The following ZNF775 variants were observed in gnomAD, a reference collection of about 807,000 sequenced individuals.
ZNF775 encodes the protein zinc finger protein 775.
ZNF775 carries 1 observed loss-of-function variant against 2.4 expected under a neutral mutation model. The observed-to-expected ratio is 0.41, with a 90% CI of 0.15 to 1.94. The LOEUF (loss-of-function observed/expected upper bound fraction) is 1.94. Among genes scored for constraint, ZNF775 ranks in the 30% most tolerant of loss-of-function variants. The pLI is 0.30. For synonymous variants in ZNF775, 381 were observed against 373.3 expected (o/e 1.02, Z -0.24); for missense variants, 823 against 826.6 (o/e 1.00, Z 0.05).
chr7:150,397,484 C>CGCCCGCACCCCT lies in ZNF775; in HGVS notation c.1012_1023dup (p.Pro338_His341dup). 1 of 1,587,596 alleles carries CGCCCGCACCCCT rather than the reference C, an allele frequency of 6.3e-7. No individual in the cohort carries two copies. The highest frequency in any genetic ancestry group is 1.1e-5 in the South Asian group (1 of 90,284). ...GCACCTGCGCAACCACACAGGCGAG[C>CGCCCGCACCCCT]GCCCGCACCCCTGCCCGCACTGTGG... On this transcript the variant is annotated inframe_insertion, in exon 3 of 3. Coordinates refer to ENST00000329630, the MANE Select transcript of ZNF775 (RefSeq NM_173680.4).
At chr7:150,383,549 A>G (rs745782898) in intron 1 of ZNF775, among the ~76,000 whole-genome samples, 21 of 152,168 alleles carry the variant, frequency 1.4e-4, no homozygotes, top group African/African-American at 4.6e-4. Context: ...GGATGAGGCT[A>G]TAGAAAGGGG....
chr7:150,397,646 G>T lies in ZNF775; in HGVS notation c.1165G>T (p.Ala389Ser). The T allele has an allele frequency of 7.5e-7, 1 of 1,324,506 alleles. No homozygotes were observed. The highest frequency in any genetic ancestry group is 9.6e-7 in the Non-Finnish European group (1 of 1,042,346). The allele number at this position is 1,324,506 out of a possible 1,614,324, so 82.0% of individuals were successfully genotyped here. A position where few individuals can be genotyped will look rare whatever the true frequency, so the allele number is the denominator to read the frequency against. ...GCTGCGCGCCCACCAGCGCGCCCAC[G>T]CTGTCGCTGAGCCCGCCGTTCCGGC... ...AALRAHQRAH[A>S]VAEPAVPAGE... Residue 389 changes from alanine to serine, a missense_variant, in exon 3 of 3, where the codon GCT (alanine) becomes TCT (serine). Transcript: ENST00000329630.
intron 1 of ZNF775, among the ~76,000 whole-genome samples, chr7:150,380,389 C>G (rs1800340510): frequency 1.3e-5 from 2 of 152,196 alleles, no homozygotes. Flanking sequence ...TGCATGTAGT[C>G]TTGTGCAGAC....
intron 1 of ZNF775, among the ~76,000 whole-genome samples, chr7:150,385,176 C>T (rs947292078): frequency 1.4e-4 from 21 of 152,284 alleles, no homozygotes; most frequent in African/African-American, 4.8e-4. Flanking sequence ...GGGCTCCTCC[C>T]GCCCCCTTCC....
Position 150,398,526 on chromosome 7 carries a change from C to T in ZNF775, c.*431C>T, listed in dbSNP as rs73474391. 2,063 of 180,644 alleles carry T rather than the reference C, an allele frequency of 0.011. 47 individuals carry two copies. The highest frequency in any genetic ancestry group is 0.047 in the African/African-American group (1,992 of 42,432). The allele number at this position is 180,644 out of a possible 1,614,324, so 11.2% of individuals were successfully genotyped here. On this transcript the variant is annotated 3_prime_UTR_variant, in exon 3 of 3. Transcript: ENST00000329630. ...GAGAGTTGCCAAGACTCGGCGATAC[C>T]AAGGATGGAAGCCAGAGGCTGTGGC...
intron 2 of ZNF775, among the ~76,000 whole-genome samples, chr7:150,391,726 T>TTTTTTC: frequency 6.8e-6 from 1 of 148,098 alleles, no homozygotes. Context: ...TTTTTTTTTT[T>TTTTTTC]TGAGATAGAG....
intron 1 of ZNF775, among the ~76,000 whole-genome samples, chr7:150,387,830 A>G (rs1257529193): frequency 2.0e-5 from 3 of 151,820 alleles, no homozygotes; most frequent in Non-Finnish European, 4.4e-5. Flanking sequence ...GATGAATCCT[A>G]CATCAGTGAA....
At chr7:150,389,820 T>C (rs1402035352) in intron 2 of ZNF775, among the ~76,000 whole-genome samples, 1 of 152,040 alleles carries the variant, frequency 6.6e-6, no homozygotes, top group Non-Finnish European at 1.5e-5. Flanking sequence ...TTTCAGACAA[T>C]TGACAGCTTA....
intron 1 of ZNF775, among the ~76,000 whole-genome samples, chr7:150,388,053 C>T (rs1210263937): frequency 6.6e-6 from 1 of 152,038 alleles, no homozygotes; most frequent in Non-Finnish European, 1.5e-5. Context: ...ACTCCAGGCT[C>T]CTGCTTCTCA....
chr7:150,391,089 G>A (rs1348427326), intron 2 of ZNF775, among the ~76,000 whole-genome samples: 1 of 152,210 alleles, frequency 6.6e-6, no homozygotes, highest in African/African-American at 2.4e-5. Flanking sequence ...ATAGGAGTCT[G>A]TTTTATAGTC....
rs1800721453 is a variant in ZNF775 at position 150,398,253 on chromosome 7, T to C, written c.*158T>C. ...AGGGCTGAGAACAGTTCTAGAAGCG[T>C]CCCAAAGGGTGCTGGGAAAGGTCCC... is the stretch of plus-strand genomic sequence containing the variant. On this transcript the variant is annotated 3_prime_UTR_variant, in exon 3 of 3. Coordinates refer to ENST00000329630, the MANE Select transcript of ZNF775 (RefSeq NM_173680.4). 1 of 1,210,672 alleles carries C rather than the reference T, an allele frequency of 8.3e-7. No homozygotes were observed. Among genetic ancestry groups the C allele is most frequent in the Non-Finnish European group, 1.1e-6 (1 of 903,608 alleles). The allele number at this position is 1,210,672 out of a possible 1,614,324, so 75.0% of individuals were successfully genotyped here.
In ZNF775 at chr7:150,397,568, G is replaced by C; in HGVS notation, c.1087G>C (p.Ala363Pro). Residue 363 changes from alanine (A) to proline (P), a missense_variant, in exon 3 of 3, where the codon GCC becomes CCC. Ala to Pro is a conservative substitution (Grantham distance 27, BLOSUM62 -1). Coordinates refer to ENST00000329630, the MANE Select transcript of ZNF775 (RefSeq NM_173680.4). Reference protein sequence around the residue: ...LKHLRTHLPGAQAAPCPSCGK... With the variant: ...LKHLRTHLPGPQAAPCPSCGK... ...GCACCTGCGCACGCACCTGCCCGGCGCCCAGGCTGCGCCCTGCCCCAGCTG... is the reference window on the plus strand; with the variant it reads ...GCACCTGCGCACGCACCTGCCCGGCCCCCAGGCTGCGCCCTGCCCCAGCTG... 2 of 1,507,166 alleles carry C rather than the reference G, an allele frequency of 1.3e-6. No homozygotes were observed. The highest frequency in any genetic ancestry group is 1.8e-6 in the Non-Finnish European group (2 of 1,135,082). The allele number at this position is 1,507,166 out of a possible 1,614,324, so 93.4% of individuals were successfully genotyped here.
At chr7:150,393,494 T>G (rs1310138403) in intron 2 of ZNF775, among the ~76,000 whole-genome samples, 1 of 152,184 alleles carries the variant, frequency 6.6e-6, no homozygotes, top group Non-Finnish European at 1.5e-5. Flanking sequence ...GGAGAGCGAC[T>G]GCTGGATTGG....
chr7:150,397,172 G>A lies in ZNF775; in HGVS notation c.691G>A (p.Ala231Thr), dbSNP rs1190858273. 22 of 1,352,010 alleles carry A rather than the reference G, an allele frequency of 1.6e-5. No individual in the cohort carries two copies. Among genetic ancestry groups the A allele is most frequent in the Non-Finnish European group, 2.1e-5 (22 of 1,058,824 alleles). 83.8% of individuals were successfully genotyped at this position (1,352,010 alleles called of 1,614,324 possible). A position where few individuals can be genotyped will look rare whatever the true frequency, so the allele number is the denominator to read the frequency against. ...CGGCCTGCACGAGCTGATTCAGGACGCGGCGGCGCGCCGGGCCTGTCGCCT... is the reference window on the plus strand; with the variant it reads ...CGGCCTGCACGAGCTGATTCAGGACACGGCGGCGCGCCGGGCCTGTCGCCT... ...RAGLHELIQD[A>T]AARRACRLQP... The change falls in exon 3 of 3, where the codon GCG becomes ACG. Residue 231 changes from alanine (A) to threonine (T), a missense_variant. Coordinates refer to ENST00000329630, the MANE Select transcript of ZNF775 (RefSeq NM_173680.4).
chr7:150,392,818 G>C (rs1324487716), intron 2 of ZNF775, among the ~76,000 whole-genome samples: 1 of 152,240 alleles, frequency 6.6e-6, no homozygotes, highest in African/African-American at 2.4e-5. Flanking sequence ...ACAGGCAAGA[G>C]CCACTGTGCT....
intron 2 of ZNF775, among the ~76,000 whole-genome samples, chr7:150,389,935 C>T (rs1800532458): frequency 2.8e-5 from 4 of 143,450 alleles, no homozygotes; most frequent in East Asian, 2.1e-4. Flanking sequence ...GCAAAATATA[C>T]GCAACACTTA....
chr7:150,393,417 G>A (rs1013873574), intron 2 of ZNF775, among the ~76,000 whole-genome samples: 3 of 152,204 alleles, frequency 2.0e-5, no homozygotes, highest in Non-Finnish European at 4.4e-5. Context: ...TAGGAATAAA[G>A]CTATAAAAAT....
In ZNF775 at chr7:150,397,754, G is replaced by C; in HGVS notation, c.1273G>C (p.Ala425Pro). ...GCGGAGCTCCCAACGGTCCCCGGGGGCCCGGGACACGCTGTGGGGCCGGGG... is the reference window on the plus strand; with the variant it reads ...GCGGAGCTCCCAACGGTCCCCGGGGCCCCGGGACACGCTGTGGGGCCGGGG... The part of the protein sequence containing the change: ...RPRSSQRSPG[A>P]RDTLWGRGQA... Residue 425 changes from alanine to proline, a missense_variant, in exon 3 of 3, where the codon GCC (alanine) becomes CCC (proline). Transcript: ENST00000329630. 2 of 1,498,704 alleles carry C rather than the reference G, an allele frequency of 1.3e-6. No individual in the cohort carries two copies. The highest frequency in any genetic ancestry group is 1.8e-6 in the Non-Finnish European group (2 of 1,128,804). 92.8% of individuals were successfully genotyped at this position (1,498,704 alleles called of 1,614,324 possible). A position where few individuals can be genotyped will look rare whatever the true frequency, so the allele number is the denominator to read the frequency against.
Position 150,397,557 on chromosome 7 carries a change from A to C in ZNF775, c.1076A>C (p.His359Pro). 1 of 1,525,286 alleles carries C rather than the reference A, an allele frequency of 6.6e-7. No individual in the cohort carries two copies. Among genetic ancestry groups the C allele is most frequent in the Admixed American group, 2.0e-5 (1 of 50,642 alleles). The allele number at this position is 1,525,286 out of a possible 1,614,324, so 94.5% of individuals were successfully genotyped here. A position where few individuals can be genotyped will look rare whatever the true frequency, so the allele number is the denominator to read the frequency against. The change falls in exon 3 of 3, where the codon CAC becomes CCC. Residue 359 changes from histidine (H) to proline (P), a missense_variant. Transcript: ENST00000329630. ...KQHLLKHLRT[H>P]LPGAQAAPCP... Reference sequence around the variant, plus strand: ...CACCTGCTCAAGCACCTGCGCACGCACCTGCCCGGCGCCCAGGCTGCGCCC... The same window carrying C: ...CACCTGCTCAAGCACCTGCGCACGCCCCTGCCCGGCGCCCAGGCTGCGCCC...
Sources: gnomAD v4.1 joint callset for allele counts (sites outside exome capture counted in the v4.1 genomes callset) on GRCh38, gnomAD v4.1.1 for gene constraint, MANE v1.5 for transcripts, NCBI Gene and HGNC (gene_info 2026-07-23, HGNC 2026-07-21) for gene names.